The following AKAP13 variants were observed in gnomAD, a reference collection of about 807,000 sequenced individuals.
The protein encoded by AKAP13 is A-kinase anchoring protein 13, also known as A-kinase anchor protein 13.
Under a neutral mutation model 264.5 loss-of-function variants are expected in AKAP13, and 80 were observed. The ratio of observed to expected loss-of-function variants is 0.30; its 90% CI spans 0.25 to 0.36. AKAP13 has a LOEUF of 0.36. Among genes scored for constraint, AKAP13 ranks in the 10% least tolerant of loss-of-function variants. The probability of loss-of-function intolerance (pLI) is 1.00; values close to 1 mark genes in which losing one functional copy is unlikely to be tolerated. For synonymous variants in AKAP13, 1,380 were observed against 1,250.2 expected (o/e 1.10, Z -2.19); for missense variants, 3,712 against 3,435.2 (o/e 1.08, Z -2.01).
In AKAP13 at chr15:85,579,704, A is replaced by C. The variant is rs149722963; in HGVS notation, c.1636A>C (p.Asn546His). Residue 546 changes from asparagine to histidine, a missense_variant, in exon 7 of 37, where the codon AAC (asparagine) becomes CAC (histidine). By Grantham distance (68) the Asn-to-His change is moderately conservative. Coordinates refer to ENST00000394518, the MANE Select transcript of AKAP13 (RefSeq NM_007200.5). ...CAPAASSLDG[N>H]KPAESSLAFS... ...CCCTGCTGCCAGTTCCCTGGATGGT[A>C]ACAAACCTGCTGAGTCTTCACTTGC... 1 of 1,614,236 alleles carries C rather than the reference A, an allele frequency of 6.2e-7. No individual in the cohort carries two copies. The highest frequency in any genetic ancestry group is 1.1e-5 in the South Asian group (1 of 91,080).
At chr15:85,479,851 T>A (rs116997272) in intron 1 of AKAP13, among the ~76,000 whole-genome samples, 3,015 of 152,272 alleles carry the variant, frequency 0.02, 46 homozygotes, top group Non-Finnish European at 0.034. Context: ...AATAGTGAAT[T>A]TGATTGATGT....
chr15:85,442,491 ATATATATTATAT>A (rs1277583783), intron 1 of AKAP13, among the ~76,000 whole-genome samples: 5 of 109,674 alleles, frequency 4.6e-5, no homozygotes, highest in Admixed American at 1.0e-4. Context: ...AATATATATA[ATATATATTATAT>A]TATATATAAT....
rs766366935 is a variant in AKAP13, at chr15:85,580,364, G to A, written c.2296G>A (p.Val766Ile). The A allele has an allele frequency of 4.3e-6, 7 of 1,614,234 alleles. No individual in the cohort carries two copies. The South Asian group carries it at 4.4e-5, about 10-fold the overall frequency. Residue 766 changes from valine to isoleucine, a missense_variant, in exon 7 of 37, where the codon GTC becomes ATC. Transcript: ENST00000394518. Reference protein sequence around the residue: ...LEVVSHPHPVVPKMEKELVPD... With the variant: ...LEVVSHPHPVIPKMEKELVPD... Reference sequence around the variant, plus strand: ...GGTGGTTTCACATCCACATCCAGTTGTCCCTAAAATGGAGAAAGAACTGGT... The same window carrying A: ...GGTGGTTTCACATCCACATCCAGTTATCCCTAAAATGGAGAAAGAACTGGT...
intron 1 of AKAP13, among the ~76,000 whole-genome samples, chr15:85,440,165 A>G (rs1046263936): frequency 3.3e-5 from 5 of 152,164 alleles, no homozygotes; most frequent in Non-Finnish European, 7.4e-5. Flanking sequence ...AGAACCAGTC[A>G]GAATGTCTCT....
intron 1 of AKAP13, among the ~76,000 whole-genome samples, chr15:85,419,184 T>C (rs549089793): frequency 1.3e-5 from 2 of 152,250 alleles, no homozygotes; most frequent in South Asian, 2.1e-4. Flanking sequence ...TCATAGGATT[T>C]GTAAAATTTT....
At chr15:85,428,822 A>G (rs2072907880) in intron 1 of AKAP13, among the ~76,000 whole-genome samples, 1 of 152,214 alleles carries the variant, frequency 6.6e-6, no homozygotes, top group Non-Finnish European at 1.5e-5. Flanking sequence ...TGGAATGACC[A>G]TCCACTACTT....
intron 12 of AKAP13, among the ~76,000 whole-genome samples, chr15:85,659,174 T>A (rs2083228498): frequency 1.3e-5 from 2 of 152,220 alleles, no homozygotes; most frequent in South Asian, 4.1e-4. Context: ...AGGTAATATT[T>A]TGAAGCTAAA....
In AKAP13 at chr15:85,581,460, G is replaced by A. The variant is rs1251073308; in HGVS notation, c.3392G>A (p.Gly1131Asp). 8.7e-6 allele frequency: 14 copies of A among 1,614,058 alleles called. No individual in the cohort carries two copies. The highest frequency in any genetic ancestry group is 3.3e-5 in the Admixed American group (2 of 60,010). Residue 1131 changes from glycine (G) to aspartate (D), a missense_variant, in exon 7 of 37, where the codon GGT (glycine) becomes GAT (aspartate). By Grantham distance (94) the Gly-to-Asp change is moderately conservative. Around this residue, in one of 3 missense-constraint regions of AKAP13, gnomAD observed 2,759 missense variants for 2,411.7 expected, o/e 1.14. Coordinates refer to ENST00000394518, the MANE Select transcript of AKAP13 (RefSeq NM_007200.5). Reference protein sequence around the residue: ...LLSQEKNAVLGLPVALQDKAV... With the variant: ...LLSQEKNAVLDLPVALQDKAV... ...AGCCAAGAGAAGAATGCCGTTCTAG[G>A]TTTGCCAGTGGCTCTACAGGACAAA...
chr15:85,637,909 T>G (rs895871313), intron 8 of AKAP13, among the ~76,000 whole-genome samples: 1 of 147,298 alleles, frequency 6.8e-6, no homozygotes, highest in Non-Finnish European at 1.5e-5. Flanking sequence ...TTTTTTAATC[T>G]CTGTCACCCA....
At chr15:85,551,723 A>C (rs1210680203) in intron 5 of AKAP13, among the ~76,000 whole-genome samples, 1 of 152,210 alleles carries the variant, frequency 6.6e-6, no homozygotes, top group African/African-American at 2.4e-5. Context: ...TGTGGTAACA[A>C]ATTATCTATG....
At chr15:85,657,202 C>A (rs1032286666) in intron 11 of AKAP13, among the ~76,000 whole-genome samples, 1 of 152,048 alleles carries the variant, frequency 6.6e-6, no homozygotes, top group Non-Finnish European at 1.5e-5. Flanking sequence ...TCAGCAATAG[C>A]AATTATTTGC....
At chr15:85,508,503 G>A (rs146724682) in intron 2 of AKAP13, among the ~76,000 whole-genome samples, 35 of 152,092 alleles carry the variant, frequency 2.3e-4, no homozygotes, top group Middle Eastern at 3.4e-3. Flanking sequence ...TCTGACGGGG[G>A]TGGTGGTACT....
chr15:85,644,028 C>A (rs1264883174), intron 9 of AKAP13, among the ~76,000 whole-genome samples: 1 of 152,068 alleles, frequency 6.6e-6, no homozygotes, highest in Non-Finnish European at 1.5e-5. Flanking sequence ...TTGGTTTTGT[C>A]ATCACCTTGT....
chr15:85,740,974 G>A, intron 34 of AKAP13, 72 bp from the exon 35 acceptor site: 2 of 1,534,500 alleles, frequency 1.3e-6, no homozygotes, highest in Non-Finnish European at 1.8e-6. Flanking sequence ...CCTGCTGTGG[G>A]GTCGGGAGGG....
At chr15:85,486,829 C>T (rs981477261) in intron 2 of AKAP13, among the ~76,000 whole-genome samples, 3 of 150,706 alleles carry the variant, frequency 2.0e-5, no homozygotes, top group Non-Finnish European at 2.9e-5. Context: ...AGCTCCGCCT[C>T]CCAGGTTCAC....
chr15:85,443,715 C>G (rs1160981928), intron 1 of AKAP13, among the ~76,000 whole-genome samples: 1 of 151,084 alleles, frequency 6.6e-6, no homozygotes, highest in Non-Finnish European at 1.5e-5. Context: ...TGGTACATGA[C>G]TGTATTTGCA....
chr15:85,429,144 T>G lies in AKAP13; in HGVS notation c.-12+48346T>G, dbSNP rs561944055. Reference sequence around the variant, plus strand: ...AATGATATTACTCTCTTATTTAGAATGGCCTAACTACTACCATTTTTCTAC... The same window carrying G: ...AATGATATTACTCTCTTATTTAGAAGGGCCTAACTACTACCATTTTTCTAC... On this transcript the variant is annotated intron_variant, in intron 1 of 36. Transcript: ENST00000394518. Among the ~76,000 whole-genome samples, 17 of 152,358 alleles carry G rather than the reference T, an allele frequency of 1.1e-4. No homozygotes were observed. The South Asian group carries it at 3.5e-3, about 32-fold the overall frequency.
rs147990883 is a variant in AKAP13, at chr15:85,697,319, C to A, written c.5464+3868C>A. ...GGCGCAGTGGCTCACGCCTGTAATC[C>A]CAGCACTTTGGGAGGCTGAGGTGGG... On this transcript the variant is annotated intron_variant, in intron 17 of 36. Transcript: ENST00000394518. Among the ~76,000 whole-genome samples, 186 of 152,244 alleles carry A rather than the reference C, an allele frequency of 1.2e-3. 3 individuals are homozygous for A. The East Asian group carries it at 0.032, about 26-fold the overall frequency.
chr15:85,507,782 G>T (rs1192287056), intron 2 of AKAP13, among the ~76,000 whole-genome samples: 1 of 152,208 alleles, frequency 6.6e-6, no homozygotes, highest in Non-Finnish European at 1.5e-5. Flanking sequence ...AGCGGCAAGT[G>T]GGAGTAGGAT....
Sources: allele counts gnomAD v4.1 joint callset (sites outside exome capture counted in the v4.1 genomes callset), GRCh38; gene constraint gnomAD v4.1.1; regional missense constraint gnomAD v4.1.1; transcripts MANE v1.5; gene names NCBI Gene and HGNC (gene_info 2026-07-23, HGNC 2026-07-21).